NBAS: variants seen among roughly 807,000 people sequenced by gnomAD.
NBAS encodes NBAS subunit of NRZ tethering complex.
In NBAS, 219 loss-of-function variants were observed where a neutral mutation model predicts 302.5. That is an observed-to-expected ratio of 0.72 (90% CI 0.65 to 0.81). The LOEUF (loss-of-function observed/expected upper bound fraction) is 0.81, where lower values mean the gene tolerates loss of function less well. NBAS is among the 30% of genes least tolerant of loss of function. The pLI is 0.00. For missense variants in NBAS, 2,932 were observed against 2,841.6 expected (o/e 1.03, Z -0.72); for synonymous variants, 1,118 against 1,021.6 (o/e 1.09, Z -1.80).
chr2:15,193,895 G>A (rs1430338330), intron 48 of NBAS, among the ~76,000 whole-genome samples: 1 of 152,030 alleles, frequency 6.6e-6, no homozygotes, highest in Non-Finnish European at 1.5e-5. Flanking sequence ...AGTCATAAAA[G>A]AGACAGTGAA....
Position 15,427,797 on chromosome 2 carries a change from C to T in NBAS, c.2340-3G>A, listed in dbSNP as rs1677552939. On this transcript the variant is annotated splice_region_variant and splice_polypyrimidine_tract_variant and intron_variant, in intron 21 of 51. Transcript: ENST00000281513. ...TCATCAGGGAGTCACCGTTAAAACT[C>T]AAATTTAAAAAAAAATAAGTGTTTA... The T allele has an allele frequency of 6.2e-7, 1 of 1,605,484 alleles. No individual in the cohort carries two copies. Among genetic ancestry groups the T allele is most frequent in the Non-Finnish European group, 8.5e-7 (1 of 1,174,260 alleles).
At chr2:15,062,100 T>C in the NBAS span, among the ~76,000 whole-genome samples, 110 of 152,296 alleles carry the variant, frequency 7.2e-4, 1 homozygote, top group East Asian at 0.019. Flanking sequence ...TCGGGCAACA[T>C]TGGGGTCATC....
intron 42 of NBAS, among the ~76,000 whole-genome samples, chr2:15,284,770 C>T (rs574756221): frequency 1.3e-5 from 2 of 152,298 alleles, no homozygotes; most frequent in African/African-American, 4.8e-5. Context: ...CAAACAGCTG[C>T]CTTTTAAGTA....
chr2:15,383,171 A>T, intron 29 of NBAS, 44 bp downstream of exon 29: 1 of 1,444,530 alleles, frequency 6.9e-7, no homozygotes, highest in Non-Finnish European at 9.5e-7. Flanking sequence ...ATAACAATTA[A>T]AATTGTTAAA....
intron 35 of NBAS, among the ~76,000 whole-genome samples, chr2:15,345,018 A>C (rs1673024832): frequency 6.6e-6 from 1 of 152,216 alleles, no homozygotes; most frequent in Admixed American, 6.5e-5. Flanking sequence ...CAAAATCATA[A>C]GAGCTATTAA....
At chr2:14,939,005 C>G in the NBAS span, among the ~76,000 whole-genome samples, 1 of 152,198 alleles carries the variant, frequency 6.6e-6, no homozygotes, top group Admixed American at 6.5e-5. Flanking sequence ...CAAACAAGCT[C>G]ACAAATACCC....
chr2:15,443,436 T>G (rs991220120), intron 21 of NBAS, among the ~76,000 whole-genome samples: 2 of 152,164 alleles, frequency 1.3e-5, no homozygotes, highest in South Asian at 2.1e-4. Flanking sequence ...GAAAAGACCT[T>G]TGACAAAATT....
At position 15,511,366 on chromosome 2, in the gene NBAS, T is replaced by A. The variant is rs780298113; in HGVS notation, c.747-16A>T. The A allele has an allele frequency of 2.5e-6, 4 of 1,611,766 alleles. No individual in the cohort carries two copies. The highest frequency in any genetic ancestry group is 3.3e-5 in the Admixed American group (2 of 59,942). On this transcript the variant is annotated splice_polypyrimidine_tract_variant and intron_variant, in intron 9 of 51. Transcript: ENST00000281513. ...AAGTAAAAGTCTAAAAAGGAGAAAA[T>A]TTTTAAAAATCGATAAATTGCAAAT...
At chr2:15,289,582 G>A (rs1236698262) in intron 41 of NBAS, among the ~76,000 whole-genome samples, 1 of 152,178 alleles carries the variant, frequency 6.6e-6, no homozygotes, top group African/African-American at 2.4e-5. Flanking sequence ...AAGGTGGGAA[G>A]GACCCAAACT....
At chr2:15,454,701 C>T (rs947375762) in intron 21 of NBAS, among the ~76,000 whole-genome samples, 2 of 152,122 alleles carry the variant, frequency 1.3e-5, no homozygotes, top group African/African-American at 4.8e-5. Flanking sequence ...GTGTGAGAAG[C>T]AACTCCCATC....
intron 42 of NBAS, among the ~76,000 whole-genome samples, chr2:15,286,196 C>T (rs540854313): frequency 7.9e-5 from 12 of 152,274 alleles, no homozygotes; most frequent in Non-Finnish European, 7.4e-5. Flanking sequence ...CCTTTCTGTA[C>T]TTCAAATCCC....
At chr2:15,384,430 C>A (rs866247471) in intron 28 of NBAS, among the ~76,000 whole-genome samples, 1 of 152,046 alleles carries the variant, frequency 6.6e-6, no homozygotes, top group Non-Finnish European at 1.5e-5. Context: ...AGCTAAATTA[C>A]CCATGGATTT....
At chr2:15,133,842 G>C in the NBAS span, among the ~76,000 whole-genome samples, 1 of 152,082 alleles carries the variant, frequency 6.6e-6, no homozygotes, top group African/African-American at 2.4e-5. Flanking sequence ...TCTGTTTCAG[G>C]AAGGAAAAGA....
the NBAS span, among the ~76,000 whole-genome samples, chr2:14,788,929 C>T: frequency 6.6e-6 from 1 of 152,218 alleles, no homozygotes; most frequent in African/African-American, 2.4e-5. Flanking sequence ...TGCCCTGCCC[C>T]CAGAGGTGGA....
chr2:15,473,161 A>C, intron 16 of NBAS, 61 bp downstream of exon 16: 5 of 1,579,050 alleles, frequency 3.2e-6, no homozygotes, highest in Non-Finnish European at 4.3e-6. Context: ...ATGAAGCCCT[A>C]TAAACAAAAG....
At chr2:15,320,421 T>G (rs750073646) in intron 38 of NBAS, among the ~76,000 whole-genome samples, 1 of 152,010 alleles carries the variant, frequency 6.6e-6, no homozygotes, top group Non-Finnish European at 1.5e-5. Context: ...GAGAAGGAAA[T>G]AAAGGGTATT....
rs114861060 is a variant in NBAS at position 15,196,676 on chromosome 2, G to A, written c.6433-6273C>T. On this transcript the variant is annotated intron_variant, in intron 48 of 51. Coordinates refer to ENST00000281513, the MANE Select transcript of NBAS (RefSeq NM_015909.4). ...CCCTATACATGATGTGACATAATTTGTATAAAGCATGCAGCAGAAAAATGG... is the reference window on the plus strand; with the variant it reads ...CCCTATACATGATGTGACATAATTTATATAAAGCATGCAGCAGAAAAATGG... Among the ~76,000 whole-genome samples the A allele has an allele frequency of 3.5e-3, 536 of 152,270 alleles. 6 individuals carry two copies. The highest frequency in any genetic ancestry group is 0.012 in the African/African-American group (502 of 41,566).
intron 38 of NBAS, among the ~76,000 whole-genome samples, chr2:15,314,614 AAT>A (rs1671426274): frequency 6.6e-6 from 1 of 152,174 alleles, no homozygotes; most frequent in Non-Finnish European, 1.5e-5. Flanking sequence ...AAAGTAAAAG[AAT>A]TCTGGCGGTC....
the NBAS span, among the ~76,000 whole-genome samples, chr2:15,152,799 T>A: frequency 6.6e-6 from 1 of 152,216 alleles, no homozygotes; most frequent in African/African-American, 2.4e-5. Flanking sequence ...AGAAGTGGAC[T>A]TCCCTCCAAG....
Sources: gnomAD v4.1 joint callset for allele counts (sites outside exome capture counted in the v4.1 genomes callset) on GRCh38, gnomAD v4.1.1 for gene constraint, MANE v1.5 for transcripts, NCBI Gene and HGNC (gene_info 2026-07-23, HGNC 2026-07-21) for gene names.